The following GNS variants were observed in gnomAD, a reference collection of about 807,000 sequenced individuals.
GNS encodes glucosamine (N-acetyl)-6-sulfatase, also known as N-acetylglucosamine-6-sulfatase.
GNS carries 40 observed loss-of-function variants against 69.7 expected under a neutral mutation model. The ratio of observed to expected loss-of-function variants is 0.57; its 90% confidence interval spans 0.45 to 0.75. The LOEUF is 0.75. GNS is among the 30% of genes least tolerant of loss of function. The probability of loss-of-function intolerance (pLI) is 0.00; values close to 1 mark genes in which losing one functional copy is unlikely to be tolerated. For missense variants in GNS, 565 were observed against 685.5 expected, an observed-to-expected ratio of 0.82 and a Z score of 1.96; for synonymous variants, 243 against 251.6, an observed-to-expected ratio of 0.97 and a Z score of 0.32.
At chr12:64,728,777 G>C (rs1869291779) in intron 10 of GNS, among the ~76,000 whole-genome samples, 179 bp downstream of exon 10, 1 of 152,104 alleles carries the variant, frequency 6.6e-6, no homozygotes, top group Non-Finnish European at 1.5e-5. Flanking sequence ...AAGAGGGGAG[G>C]AAACAACTCT....
chr12:64,721,108 A>G (rs1287000710), intron 12 of GNS, among the ~76,000 whole-genome samples: 1 of 152,228 alleles, frequency 6.6e-6, no homozygotes, highest in Non-Finnish European at 1.5e-5. Context: ...ACAAGGGACT[A>G]GAGTCCATGG....
intron 11 of GNS, 146 bp from the exon 12 acceptor site, chr12:64,721,851 C>G: frequency 1.4e-6 from 1 of 700,556 alleles, no homozygotes; most frequent in Non-Finnish European, 2.6e-6. Context: ...GCCAGTAACT[C>G]AAAAACAGAT....
chr12:64,745,909 CA>C, intron 3 of GNS, 185 bp from the exon 4 acceptor site: 1 of 598,730 alleles, frequency 1.7e-6, no homozygotes, highest in South Asian at 2.1e-5. Context: ...CAGGAGTTGG[CA>C]AACTACAGCC....
Position 64,739,443 on chromosome 12 carries a change from T to C in GNS, c.932A>G (p.Glu311Gly). Reference sequence around the variant, plus strand: ...AGTGTTGTTGAGCTCCCCAGTGAACTCCAGCCTCTTGACCAGTTTCTCCAC... The same window carrying C: ...AGTGTTGTTGAGCTCCCCAGTGAACCCCAGCCTCTTGACCAGTTTCTCCAC... ...DLVEKLVKRL[E>G]FTGELNNTYI... The change falls in exon 8 of 14, where the codon GAG becomes GGG. Residue 311 changes from glutamate (E) to glycine (G), a missense_variant. Glu to Gly is a moderately conservative substitution (Grantham distance 98). Around this residue, in one of 2 missense-constraint regions of GNS, gnomAD observed 384 missense variants for 511.0 expected, o/e 0.75. Coordinates refer to ENST00000258145, the MANE Select transcript of GNS (RefSeq NM_002076.4). 1 of 1,610,464 alleles carries C rather than the reference T, an allele frequency of 6.2e-7. No individual in the cohort carries two copies. Among genetic ancestry groups the C allele is most frequent in the Non-Finnish European group, 8.5e-7 (1 of 1,176,974 alleles).
At position 64,715,540 on chromosome 12, in the gene GNS, T is replaced by G. The variant is rs540926785; in HGVS notation, c.*1201A>C. 5.2e-5 allele frequency: 8 copies of G among 154,314 alleles called. No homozygotes were observed. The highest frequency in any genetic ancestry group is 1.0e-4 in the Non-Finnish European group (7 of 68,192). The allele number at this position is 154,314 out of a possible 1,614,324, so 9.6% of individuals were successfully genotyped here. A position where few individuals can be genotyped will look rare whatever the true frequency, so the allele number is the denominator to read the frequency against. ...CCCCACTTCTCAAAAATAAAAACAT[T>G]TAGGTGTTCTCAACAGTGAAGAAAC... On this transcript the variant is annotated 3_prime_UTR_variant, in exon 14 of 14. Coordinates refer to ENST00000258145, the MANE Select transcript of GNS (RefSeq NM_002076.4).
rs960587842 is a variant in GNS at position 64,744,744 on chromosome 12, C to A, written c.624+65G>T. 11 of 807,710 alleles carry A rather than the reference C, an allele frequency of 1.4e-5. No homozygotes were observed. In the African/African-American group the frequency reaches 1.7e-4, roughly 12 times the overall value. 50.0% of individuals were successfully genotyped at this position (807,710 alleles called of 1,614,324 possible). On this transcript the variant is annotated intron_variant, in intron 5 of 13. Transcript: ENST00000258145. ...CGAATAAGATTATAGGTTTTCTAGG[C>A]AGAGTCTTCAATCAAATGTGAGCCA...
chr12:64,718,972 C>T (rs1229567863), intron 13 of GNS, among the ~76,000 whole-genome samples: 2 of 152,144 alleles, frequency 1.3e-5, no homozygotes, highest in Non-Finnish European at 2.9e-5. Context: ...AAAGGAAAGA[C>T]CAATGGTCAA....
chr12:64,750,405 A>G (rs1290501068), intron 2 of GNS, among the ~76,000 whole-genome samples: 2 of 152,108 alleles, frequency 1.3e-5, no homozygotes, highest in African/African-American at 4.8e-5. Context: ...CATATTGCCC[A>G]GGCTGGTCTC....
rs1389350798 is a variant in GNS at position 64,732,161 on chromosome 12, TTTTTGTTG to T, written c.1099-3112_1099-3105del. On this transcript the variant is annotated intron_variant, in intron 9 of 13. Coordinates refer to ENST00000258145, the MANE Select transcript of GNS (RefSeq NM_002076.4). ...GCCACCACACCTGGCTAATTTTTTT[TTTTTGTTG>T]TTTTTTTTTTTTTTTTGAGACGGAG... Among the ~76,000 whole-genome samples the T allele has an allele frequency of 2.8e-3, 265 of 96,362 alleles. 44 individuals are homozygous for T. Among genetic ancestry groups the T allele is most frequent in the Non-Finnish European group, 4.0e-3 (202 of 49,936 alleles). 63.2% of individuals were successfully genotyped at this position (96,362 alleles called of 152,430 possible).
chr12:64,742,613 TTC>T (rs562149486), intron 6 of GNS, among the ~76,000 whole-genome samples: 61 of 152,344 alleles, frequency 4.0e-4, no homozygotes, highest in African/African-American at 1.4e-3. Flanking sequence ...AATGCAGGCC[TTC>T]TGTCTTTGAA....
chr12:64,756,615 A>T lies in GNS; in HGVS notation c.192+2470T>A, dbSNP rs150568607. ...TCCTTTTAAGATAAGGATACTATGTACAGCAGAGGACTCCTGTGATGACTG... is the reference window on the plus strand; with the variant it reads ...TCCTTTTAAGATAAGGATACTATGTTCAGCAGAGGACTCCTGTGATGACTG... On this transcript the variant is annotated intron_variant, in intron 1 of 13. Coordinates refer to ENST00000258145, the MANE Select transcript of GNS (RefSeq NM_002076.4). 2.2e-3 allele frequency: 1,588 copies of T among 712,380 alleles called. 4 individuals carry two copies. Among genetic ancestry groups the T allele is most frequent in the Non-Finnish European group, 2.9e-3 (1,181 of 403,296 alleles). 44.1% of individuals were successfully genotyped at this position (712,380 alleles called of 1,614,324 possible). A position where few individuals can be genotyped will look rare whatever the true frequency, so the allele number is the denominator to read the frequency against.
intron 9 of GNS, among the ~76,000 whole-genome samples, chr12:64,735,336 A>G (rs1355073007): frequency 6.6e-6 from 1 of 152,192 alleles, no homozygotes; most frequent in Non-Finnish European, 1.5e-5. Context: ...TCTCTGCTTC[A>G]GTTTTCCTCA....
chr12:64,716,677 T>C lies in GNS; in HGVS notation c.*64A>G. 5.7e-6 allele frequency: 6 copies of C among 1,043,592 alleles called. No homozygotes were observed. Among genetic ancestry groups the C allele is most frequent in the South Asian group, 1.3e-5 (1 of 78,418 alleles). 64.6% of individuals were successfully genotyped at this position (1,043,592 alleles called of 1,614,324 possible). A position where few individuals can be genotyped will look rare whatever the true frequency, so the allele number is the denominator to read the frequency against. On this transcript the variant is annotated 3_prime_UTR_variant, in exon 14 of 14. Coordinates refer to ENST00000258145, the MANE Select transcript of GNS (RefSeq NM_002076.4). ...GTCTTGAAGACTAGCTACAGACACCTACTACAATCACTTCATCAGAAAGAG... is the reference window on the plus strand; with the variant it reads ...GTCTTGAAGACTAGCTACAGACACCCACTACAATCACTTCATCAGAAAGAG...
intron 10 of GNS, among the ~76,000 whole-genome samples, chr12:64,725,940 G>A (rs1373012737): frequency 1.5e-5 from 2 of 133,082 alleles, no homozygotes; most frequent in African/African-American, 5.6e-5. Flanking sequence ...AGCTTGCAGT[G>A]AGCTGAGATC....
At chr12:64,729,287 C>T in intron 9 of GNS, 1 of 518,808 alleles carries the variant, frequency 1.9e-6, no homozygotes, top group Non-Finnish European at 3.5e-6. Context: ...TGGCAAGTTA[C>T]ATATTTATTC....
intron 1 of GNS, 62 bp downstream of exon 1, chr12:64,759,023 G>C (rs1193786717): frequency 6.7e-6 from 9 of 1,353,138 alleles, no homozygotes; most frequent in Non-Finnish European, 4.1e-6. Flanking sequence ...CCGGGAAAGA[G>C]AGCAACAAAC....
In GNS at chr12:64,758,776, G is replaced by C. The variant is rs555401503; in HGVS notation, c.192+309C>G. Among the ~76,000 whole-genome samples the C allele has an allele frequency of 1.6e-3, 239 of 152,278 alleles. 3 individuals carry two copies. The highest frequency in any genetic ancestry group is 0.011 in the South Asian group (51 of 4,822). ...CCTTGAGTGCTCTTAGACAGCACCTGATCCTCATTGGTTCAACCCATCCTC... is the reference window on the plus strand; with the variant it reads ...CCTTGAGTGCTCTTAGACAGCACCTCATCCTCATTGGTTCAACCCATCCTC... On this transcript the variant is annotated intron_variant, in intron 1 of 13. Transcript: ENST00000258145.
intron 10 of GNS, among the ~76,000 whole-genome samples, chr12:64,727,359 G>A (rs185789411): frequency 2.9e-4 from 26 of 89,716 alleles, no homozygotes; most frequent in East Asian, 8.7e-4. Context: ...TCCTCTGAGC[G>A]TAGGAGACTG....
At chr12:64,755,532 C>T (rs530481999) in intron 1 of GNS, among the ~76,000 whole-genome samples, 6 of 147,748 alleles carry the variant, frequency 4.1e-5, no homozygotes, top group African/African-American at 1.0e-4. Flanking sequence ...GGGCCGAGAT[C>T]GCGCCACTGC....
Sources: gnomAD v4.1 joint callset for allele counts (sites outside exome capture counted in the v4.1 genomes callset) on GRCh38, gnomAD v4.1.1 for gene constraint, gnomAD v4.1.1 regional missense constraint, MANE v1.5 for transcripts, NCBI Gene and HGNC (gene_info 2026-07-23, HGNC 2026-07-21) for gene names.